Variants in LUZP2 observed in about 807,000 individuals in gnomAD.
LUZP2 encodes the protein leucine zipper protein 2.
In LUZP2, 52 loss-of-function variants were observed where a neutral mutation model predicts 51.6. That is an observed-to-expected ratio of 1.01 (90% CI 0.81 to 1.27). The LOEUF is 1.27. Among genes scored for constraint, LUZP2 ranks in the 50% most tolerant of loss-of-function variants. The pLI, the probability that LUZP2 is intolerant of heterozygous loss-of-function variation, is 0.00. For synonymous variants in LUZP2, 154 were observed against 137.3 expected (o/e 1.12, Z -0.85); for missense variants, 436 against 395.4 (o/e 1.10, Z -0.87).
At chr11:24,888,274 C>T (rs993738066) in intron 5 of LUZP2, among the ~76,000 whole-genome samples, 2 of 152,054 alleles carry the variant, frequency 1.3e-5, no homozygotes, top group African/African-American at 4.8e-5. Flanking sequence ...GCTTTCTCTT[C>T]ATTCTGTACA....
intron 1 of LUZP2, among the ~76,000 whole-genome samples, chr11:24,550,694 C>T (rs1851699618): frequency 6.6e-6 from 1 of 152,068 alleles, no homozygotes. Context: ...CCTTATTCTC[C>T]ATGTAACACT....
At chr11:24,934,859 C>T (rs1253979588) in intron 7 of LUZP2, among the ~76,000 whole-genome samples, 1 of 152,156 alleles carries the variant, frequency 6.6e-6, no homozygotes, top group Non-Finnish European at 1.5e-5. Context: ...CAAGATACAA[C>T]CTATTTGCCT....
chr11:25,029,949 A>T (rs1193966346), intron 9 of LUZP2, among the ~76,000 whole-genome samples: 2 of 151,918 alleles, frequency 1.3e-5, no homozygotes, highest in African/African-American at 4.8e-5. Context: ...TTTTATTTTT[A>T]TGTAAGGTGT....
chr11:24,921,212 AG>A (rs1480517166), intron 7 of LUZP2, among the ~76,000 whole-genome samples: 1 of 152,040 alleles, frequency 6.6e-6, no homozygotes, highest in African/African-American at 2.4e-5. Context: ...AGACAGAGGG[AG>A]GGGGGCTCGG....
intron 5 of LUZP2, among the ~76,000 whole-genome samples, chr11:24,902,478 A>G (rs560419872): frequency 6.6e-6 from 1 of 152,222 alleles, no homozygotes; most frequent in African/African-American, 2.4e-5. Context: ...GGGAGTGGAG[A>G]GTAAATATTA....
At chr11:24,960,300 G>A (rs1855353213) in intron 7 of LUZP2, among the ~76,000 whole-genome samples, 2 of 152,096 alleles carry the variant, frequency 1.3e-5, no homozygotes, top group South Asian at 4.1e-4. Flanking sequence ...TTTTTCTATT[G>A]AGTGGAATAG....
chr11:24,604,553 C>T (rs1196997282), intron 1 of LUZP2, among the ~76,000 whole-genome samples: 1 of 151,770 alleles, frequency 6.6e-6, no homozygotes, highest in African/African-American at 2.4e-5. Flanking sequence ...AAAGTGAAGA[C>T]ACCAGATAAA....
At chr11:24,585,083 T>C (rs1853015770) in intron 1 of LUZP2, among the ~76,000 whole-genome samples, 1 of 152,140 alleles carries the variant, frequency 6.6e-6, no homozygotes, top group South Asian at 2.1e-4. Flanking sequence ...ACTTTCTGTC[T>C]TCAGCACCTA....
rs117609142 is a variant in LUZP2 at position 24,630,467 on chromosome 11, C to T, written c.63-98702C>T. Among the ~76,000 whole-genome samples, 5 of 152,030 alleles carry T rather than the reference C, an allele frequency of 3.3e-5. No homozygotes were observed. The East Asian group carries it at 7.7e-4, about 24-fold the overall frequency. On this transcript the variant is annotated intron_variant, in intron 1 of 11. Coordinates refer to ENST00000336930, the MANE Select transcript of LUZP2 (RefSeq NM_001009909.4). The stretch of plus-strand genomic sequence containing the variant: ...GGGTGTCTTTTCTACAATGTATGTT[C>T]TTGTGGACCTTGTCAAAGATTAGTT...
At chr11:24,767,074 AT>A (rs924129186) in intron 5 of LUZP2, among the ~76,000 whole-genome samples, 103 of 151,906 alleles carry the variant, frequency 6.8e-4, no homozygotes, top group African/African-American at 2.3e-3. Flanking sequence ...CCAGTTTGTT[AT>A]TTTTTTTATT....
chr11:24,820,182 G>C (rs1240170050), intron 5 of LUZP2, among the ~76,000 whole-genome samples: 1 of 152,166 alleles, frequency 6.6e-6, no homozygotes, highest in African/African-American at 2.4e-5. Context: ...TGACAAAAGA[G>C]CATTTAATCT....
chr11:24,804,571 GTAAACT>G (rs1206366205), intron 5 of LUZP2, among the ~76,000 whole-genome samples: 2 of 152,142 alleles, frequency 1.3e-5, no homozygotes, highest in African/African-American at 4.8e-5. Flanking sequence ...ACAAACTGGG[GTAAACT>G]TAGGCCTGTT....
intron 1 of LUZP2, among the ~76,000 whole-genome samples, chr11:24,548,616 G>A (rs927101880): frequency 6.6e-6 from 1 of 151,860 alleles, no homozygotes; most frequent in Non-Finnish European, 1.5e-5. Flanking sequence ...CTTATTATCT[G>A]GGTGACAAAA....
At chr11:24,991,049 AGATTTTG>A (rs1395519046) in intron 9 of LUZP2, among the ~76,000 whole-genome samples, 1 of 151,790 alleles carries the variant, frequency 6.6e-6, no homozygotes, top group Non-Finnish European at 1.5e-5. Context: ...GTGATTTGTG[AGATTTTG>A]GTGCACCCAT....
chr11:24,603,133 A>G (rs1195505843), intron 1 of LUZP2, among the ~76,000 whole-genome samples: 2 of 151,770 alleles, frequency 1.3e-5, no homozygotes, highest in Non-Finnish European at 2.9e-5. Context: ...TTGGTTTCAA[A>G]TGGTATGACA....
At chr11:24,676,631 G>A (rs1021762973) in intron 1 of LUZP2, among the ~76,000 whole-genome samples, 3 of 151,946 alleles carry the variant, frequency 2.0e-5, no homozygotes, top group African/African-American at 7.2e-5. Flanking sequence ...CCTTGATTAA[G>A]CCTCTCATAA....
rs569234050 is a variant in LUZP2 at position 24,534,690 on chromosome 11, C to G, written c.62+37385C>G. ...TTCCACCTATAAATTCCTTAGCAGACTTATCAAAAGGAGAAACACAATATT... is the reference window on the plus strand; with the variant it reads ...TTCCACCTATAAATTCCTTAGCAGAGTTATCAAAAGGAGAAACACAATATT... On this transcript the variant is annotated intron_variant, in intron 1 of 11. Transcript: ENST00000336930. Among the ~76,000 whole-genome samples, 3 of 151,388 alleles carry G rather than the reference C, an allele frequency of 2.0e-5. No individual in the cohort carries two copies. In the South Asian group the frequency reaches 6.2e-4, roughly 31 times the overall value.
chr11:25,076,242 A>C (rs1859295085), intron 10 of LUZP2, among the ~76,000 whole-genome samples: 1 of 151,890 alleles, frequency 6.6e-6, no homozygotes, highest in Non-Finnish European at 1.5e-5. Context: ...AGAATGTTTC[A>C]CCATGTTGCC....
At chr11:25,052,042 C>A (rs566297314) in intron 10 of LUZP2, among the ~76,000 whole-genome samples, 34 of 152,176 alleles carry the variant, frequency 2.2e-4, no homozygotes, top group African/African-American at 7.2e-4. Context: ...ACCTGGGGCT[C>A]TTCAAAAAGC....
Sources: allele counts gnomAD v4.1 joint callset (sites outside exome capture counted in the v4.1 genomes callset), GRCh38; gene constraint gnomAD v4.1.1; transcripts MANE v1.5; gene names NCBI Gene and HGNC (gene_info 2026-07-23, HGNC 2026-07-21).